The following DTX4 variants were observed in gnomAD, a reference collection of about 807,000 sequenced individuals.
DTX4 encodes deltex E3 ubiquitin ligase 4.
Under a neutral mutation model 57.6 loss-of-function variants are expected in DTX4, and 28 were observed. That is an observed-to-expected ratio of 0.49 (90% confidence interval 0.36 to 0.67). DTX4 has a LOEUF of 0.67. Among genes scored for constraint, DTX4 ranks in the 30% least tolerant of loss-of-function variants. The pLI, the probability that DTX4 is intolerant of heterozygous loss-of-function variation, is 0.00. For missense variants in DTX4, 715 were observed against 836.8 expected, an observed-to-expected ratio of 0.85 and a Z score of 1.80; for synonymous variants, 316 against 331.0, an observed-to-expected ratio of 0.95 and a Z score of 0.49.
intron 1 of DTX4, 71 bp downstream of exon 1, chr11:59,172,877 T>G: frequency 1.5e-6 from 2 of 1,293,000 alleles, no homozygotes; most frequent in Non-Finnish European, 2.1e-6. Flanking sequence ...CCTCCCTCCC[T>G]GTGAACCCAC....
chr11:59,204,551 G>A (rs1014620418), intron 8 of DTX4, 125 bp from the exon 9 acceptor site: 30 of 854,090 alleles, frequency 3.5e-5, no homozygotes, highest in Non-Finnish European at 5.3e-5. Context: ...TCTTTCCCCT[G>A]GGCTGCTTAG....
intron 1 of DTX4, among the ~76,000 whole-genome samples, chr11:59,173,789 T>C (rs1565214379): frequency 6.7e-6 from 1 of 148,816 alleles, no homozygotes; most frequent in South Asian, 2.2e-4. Context: ...GGGTGGGGAG[T>C]GGGGGTGCTG....
Position 59,208,187 on chromosome 11 carries a change from G to A in DTX4, c.*3278G>A, listed in dbSNP as rs1446103978. The A allele has an allele frequency of 6.6e-6, 1 of 152,600 alleles. No individual in the cohort carries two copies. Among genetic ancestry groups the A allele is most frequent in the Non-Finnish European group, 1.5e-5 (1 of 68,038 alleles). 9.5% of individuals were successfully genotyped at this position (152,600 alleles called of 1,614,324 possible). A position where few individuals can be genotyped will look rare whatever the true frequency, so the allele number is the denominator to read the frequency against. The stretch of plus-strand genomic sequence containing the variant: ...GAACAACCACAAAATTGTTACTCTT[G>A]TTGGCCTTCTGCTGTTTGTAGATTA... On this transcript the variant is annotated 3_prime_UTR_variant, in exon 9 of 9. Transcript: ENST00000227451.
At chr11:59,175,481 C>T (rs1862384755) in intron 1 of DTX4, among the ~76,000 whole-genome samples, 1 of 152,116 alleles carries the variant, frequency 6.6e-6, no homozygotes, top group Non-Finnish European at 1.5e-5. Context: ...CTCTGTTTGC[C>T]CTGGGCCCTT....
intron 6 of DTX4, among the ~76,000 whole-genome samples, chr11:59,193,929 G>A (rs184720244): frequency 1.1e-3 from 169 of 152,288 alleles, no homozygotes; most frequent in African/African-American, 3.8e-3. Flanking sequence ...TCCCAGCTGC[G>A]CAGCAGCACA....
At chr11:59,185,847 G>A (rs551899822) in intron 2 of DTX4, among the ~76,000 whole-genome samples, 9 of 152,172 alleles carry the variant, frequency 5.9e-5, no homozygotes, top group Non-Finnish European at 1.3e-4. Context: ...GCTGTTTACA[G>A]TTAGTTGACC....
Position 59,195,251 on chromosome 11 carries a change from T to A in DTX4, c.1418T>A (p.Val473Glu). 6.2e-7 allele frequency: 1 copy of A among 1,613,918 alleles called. No homozygotes were observed. Among genetic ancestry groups the A allele is most frequent in the Non-Finnish European group, 8.5e-7 (1 of 1,179,882 alleles). The change falls in exon 7 of 9, where the codon GTG becomes GAG. Residue 473 changes from valine to glutamate, a missense_variant. By Grantham distance (121) the Val-to-Glu change is moderately radical. Coordinates refer to ENST00000227451, the MANE Select transcript of DTX4 (RefSeq NM_015177.2). ...CCAACCTGCAAGACCATTTATGGGGTGAAGACAGGCACCCAACCTCCAGGG... is the reference window on the plus strand; with the variant it reads ...CCAACCTGCAAGACCATTTATGGGGAGAAGACAGGCACCCAACCTCCAGGG... ...QCPTCKTIYG[V>E]KTGTQPPGKM...
chr11:59,203,968 AT>A (rs1400267341), intron 8 of DTX4, among the ~76,000 whole-genome samples: 1 of 152,074 alleles, frequency 6.6e-6, no homozygotes, highest in African/African-American at 2.4e-5. Context: ...AACCCAAGAC[AT>A]TTTCACTGGA....
chr11:59,177,190 G>C (rs1315059997), intron 1 of DTX4, among the ~76,000 whole-genome samples: 1 of 152,150 alleles, frequency 6.6e-6, no homozygotes, highest in Non-Finnish European at 1.5e-5. Flanking sequence ...TAGCCCAACA[G>C]CTGAAATTTG....
intron 1 of DTX4, among the ~76,000 whole-genome samples, chr11:59,180,890 TAAAG>T (rs1862454998): frequency 6.6e-6 from 1 of 152,208 alleles, no homozygotes; most frequent in Non-Finnish European, 1.5e-5. Flanking sequence ...TTTAGCTTCT[TAAAG>T]AAAGACATCA....
At chr11:59,177,452 C>T (rs1253500499) in intron 1 of DTX4, among the ~76,000 whole-genome samples, 1 of 152,224 alleles carries the variant, frequency 6.6e-6, no homozygotes, top group African/African-American at 2.4e-5. Flanking sequence ...AACACCTCTC[C>T]ACTCACCTGG....
chr11:59,185,688 C>G (rs779773719), intron 2 of DTX4, among the ~76,000 whole-genome samples: 7 of 152,154 alleles, frequency 4.6e-5, no homozygotes, highest in Non-Finnish European at 8.8e-5. Flanking sequence ...CAAGTACTGC[C>G]CAGCACTCAA....
rs373376556 is a variant in DTX4 at position 59,192,192 on chromosome 11, G to A, written c.1316G>A (p.Arg439Lys). 6.2e-7 allele frequency: 1 copy of A among 1,613,986 alleles called. No individual in the cohort carries two copies. The highest frequency in any genetic ancestry group is 2.2e-5 in the East Asian group (1 of 44,864). ...CCTGACCTGGTAGGGAAGCTGTCCA[G>A]ATGCGGCCACGTCTACCACATCTAC... ...VKPDLVGKLSRCGHVYHIYCL... is the reference protein window; with the variant it reads ...VKPDLVGKLSKCGHVYHIYCL... The change falls in exon 6 of 9, where the codon AGA becomes AAA. Residue 439 changes from arginine (R) to lysine (K), a missense_variant. Transcript: ENST00000227451.
At chr11:59,189,635 T>G (rs548999438) in intron 4 of DTX4, among the ~76,000 whole-genome samples, 1 of 152,338 alleles carries the variant, frequency 6.6e-6, no homozygotes, top group South Asian at 2.1e-4. Flanking sequence ...ACAGACTGGA[T>G]TCAAATCGTA....
In DTX4 at chr11:59,172,780, C is replaced by G. The variant is rs1443397612; in HGVS notation, c.185C>G (p.Ser62Cys). ...GCGCCCTACATCATCGACCTGCAGT[C>G]CATGAACCAGTTCCGCCAAGACACG... ...RLAPYIIDLQ[S>C]MNQFRQDTGT... The change falls in exon 1 of 9, where the codon TCC (serine) becomes TGC (cysteine). Residue 62 changes from serine to cysteine, a missense_variant. Coordinates refer to ENST00000227451, the MANE Select transcript of DTX4 (RefSeq NM_015177.2). The G allele has an allele frequency of 1.9e-6, 3 of 1,591,910 alleles. No individual in the cohort carries two copies. The highest frequency in any genetic ancestry group is 2.6e-6 in the Non-Finnish European group (3 of 1,170,172).
intron 6 of DTX4, among the ~76,000 whole-genome samples, chr11:59,192,804 A>T (rs1221690379): frequency 6.6e-6 from 1 of 152,094 alleles, no homozygotes; most frequent in Non-Finnish European, 1.5e-5. Flanking sequence ...CTAGAATCCC[A>T]CTGTTGGAAG....
At position 59,182,389 on chromosome 11, in the gene DTX4, G is replaced by T. The variant is rs1347558014; in HGVS notation, c.862G>T (p.Ala288Ser). Residue 288 changes from alanine (A) to serine (S), a missense_variant, in exon 2 of 9, where the codon GCC (alanine) becomes TCC (serine). Physicochemically the swap from Ala to Ser is moderately conservative, Grantham distance 99. Coordinates refer to ENST00000227451, the MANE Select transcript of DTX4 (RefSeq NM_015177.2). ...PGPNSKTGRVALATLNRTNLQ... is the reference protein window; with the variant it reads ...PGPNSKTGRVSLATLNRTNLQ... ...ACCCAACAGCAAGACCGGAAGGGTG[G>T]CCCTGGCCACCTTGAATCGTACCAA... 1 of 1,613,534 alleles carries T rather than the reference G, an allele frequency of 6.2e-7. No individual in the cohort carries two copies. Among genetic ancestry groups the T allele is most frequent in the Non-Finnish European group, 8.5e-7 (1 of 1,179,814 alleles).
chr11:59,187,058 T>C (rs491558), intron 2 of DTX4, among the ~76,000 whole-genome samples: 133,892 of 152,228 alleles, frequency 0.88, 59,213 homozygotes, highest in East Asian at 0.95. Context: ...GGAAGAACCT[T>C]CCTTACAGGC....
At chr11:59,182,498 C>G in intron 2 of DTX4, 36 bp downstream of exon 2, 2 of 1,551,466 alleles carry the variant, frequency 1.3e-6, no homozygotes, top group Non-Finnish European at 1.7e-6. Context: ...AGCATTTACT[C>G]AGGGTAGAGA....
Sources: allele counts gnomAD v4.1 joint callset (sites outside exome capture counted in the v4.1 genomes callset), GRCh38; gene constraint gnomAD v4.1.1; transcripts MANE v1.5; gene names NCBI Gene and HGNC (gene_info 2026-07-23, HGNC 2026-07-21).